The following TNFAIP8L3 variants were observed in gnomAD, a reference collection of about 807,000 sequenced individuals.
The protein encoded by TNFAIP8L3 is TNF alpha induced protein 8 like 3.
TNFAIP8L3 carries 7 observed loss-of-function variants against 11.8 expected under a neutral mutation model. The ratio of observed to expected loss-of-function variants is 0.59; its 90% CI spans 0.34 to 1.11. TNFAIP8L3 has a LOEUF of 1.11. Ranked by LOEUF, TNFAIP8L3 falls within the 50% of genes most tolerant of loss-of-function variation. The pLI, the probability that TNFAIP8L3 is intolerant of heterozygous loss-of-function variation, is 0.03. For missense variants in TNFAIP8L3, 219 were observed against 258.6 expected, an observed-to-expected ratio of 0.85 and a Z score of 1.05; for synonymous variants, 98 against 103.8, an observed-to-expected ratio of 0.94 and a Z score of 0.34.
intron 1 of TNFAIP8L3, among the ~76,000 whole-genome samples, chr15:51,061,353 G>C (rs980280362): frequency 3.9e-5 from 6 of 152,108 alleles, no homozygotes; most frequent in African/African-American, 1.4e-4. Flanking sequence ...TTTAAAACTT[G>C]TCAGCAAGTA....
intron 1 of TNFAIP8L3, among the ~76,000 whole-genome samples, chr15:51,079,595 G>A (rs2140974152): frequency 6.6e-6 from 1 of 152,244 alleles, no homozygotes; most frequent in Middle Eastern, 3.4e-3. Flanking sequence ...TCTCACCTGG[G>A]AATGGTTGCC....
At chr15:51,073,571 C>T (rs1178192160) in intron 1 of TNFAIP8L3, among the ~76,000 whole-genome samples, 1 of 152,206 alleles carries the variant, frequency 6.6e-6, no homozygotes, top group East Asian at 1.9e-4. Flanking sequence ...TTGCCGAGCT[C>T]TGTTATGAGT....
At chr15:51,078,811 G>A (rs2065372785) in intron 1 of TNFAIP8L3, among the ~76,000 whole-genome samples, 2 of 151,864 alleles carry the variant, frequency 1.3e-5, no homozygotes, top group Admixed American at 6.6e-5. Flanking sequence ...CATATCTAAC[G>A]AGGCCTCCGA....
chr15:51,070,604 A>C (rs1378824343), intron 1 of TNFAIP8L3, among the ~76,000 whole-genome samples: 1 of 152,086 alleles, frequency 6.6e-6, no homozygotes, highest in Non-Finnish European at 1.5e-5. Flanking sequence ...GATTGGGCAG[A>C]CTCTGCCCCA....
In TNFAIP8L3 at chr15:51,058,121, C is replaced by T. The variant is rs1403489687; in HGVS notation, c.375G>A (p.Val125=). Residue 125 remains valine (V), a synonymous_variant, in exon 2 of 2, where the codon GTG becomes GTA. Transcript: ENST00000637513. ...GCACGTTCCTATCGAAGGTGTATTCCACCTCATAGAAGCTGACAATGGTCA... is the reference window on the plus strand; with the variant it reads ...GCACGTTCCTATCGAAGGTGTATTCTACCTCATAGAAGCTGACAATGGTCA... ...TAMTIVSFYE[V]EYTFDRNVLS... The T allele has an allele frequency of 6.2e-7, 1 of 1,614,202 alleles. No individual in the cohort carries two copies. Among genetic ancestry groups the T allele is most frequent in the East Asian group, 2.2e-5 (1 of 44,888 alleles).
upstream of TNFAIP8L3, among the ~76,000 whole-genome samples, chr15:51,097,999 A>G (rs532478605): frequency 9.8e-5 from 15 of 152,324 alleles, no homozygotes; most frequent in Non-Finnish European, 2.2e-4. Context: ...TTTCCACTAC[A>G]TCTTTTCAGC....
chr15:51,089,068 T>G (rs924265185), intron 1 of TNFAIP8L3, among the ~76,000 whole-genome samples: 9 of 152,210 alleles, frequency 5.9e-5, no homozygotes, highest in Admixed American at 5.9e-4. Flanking sequence ...GTAGCTCAGC[T>G]TCTCTGCCCA....
rs778710938 is a variant in TNFAIP8L3 at position 51,058,231 on chromosome 15, C to T, written c.265G>A (p.Gly89Arg). The T allele has an allele frequency of 1.7e-5, 27 of 1,614,042 alleles. 1 individual carries two copies. The highest frequency in any genetic ancestry group is 1.1e-4 in the South Asian group (10 of 91,090). ...AACTGGTTGTTCCGGTAGAGGATCC[C>T]GATTTTGATCGCCACCTTGATTAAG... ...KDLIKVAIKI[G>R]ILYRNNQFSQ... is the part of the protein sequence containing the mutation. The change falls in exon 2 of 2, where the codon GGG (glycine) becomes AGG (arginine). Residue 89 changes from glycine to arginine, a missense_variant. Transcript: ENST00000637513.
In TNFAIP8L3 at chr15:51,094,636, T is replaced by A; in HGVS notation, c.-41A>T. ...CTGGGCGTCCACGGCCACCCGCCCG[T>A]CTGCGGGGCGCTCGGGCAGCCGCGG... is the stretch of plus-strand genomic sequence containing the variant. On this transcript the variant is annotated 5_prime_UTR_variant, in exon 1 of 2. Transcript: ENST00000637513. The surrounding 1 kb of genome is among the most constrained non-coding windows in gnomAD (Gnocchi z 4.4). 1 of 1,418,636 alleles carries A rather than the reference T, an allele frequency of 7.0e-7. No individual in the cohort carries two copies. The highest frequency in any genetic ancestry group is 2.7e-5 in the Admixed American group (1 of 36,884). 87.9% of individuals were successfully genotyped at this position (1,418,636 alleles called of 1,614,324 possible). A position where few individuals can be genotyped will look rare whatever the true frequency, so the allele number is the denominator to read the frequency against.
intron 1 of TNFAIP8L3, among the ~76,000 whole-genome samples, chr15:51,085,160 G>C (rs772584012): frequency 6.6e-6 from 1 of 151,650 alleles, no homozygotes; most frequent in Non-Finnish European, 1.5e-5. Flanking sequence ...GACCAAACAT[G>C]GATGAACAAA....
intron 1 of TNFAIP8L3, among the ~76,000 whole-genome samples, chr15:51,070,919 C>G (rs1482457801): frequency 2.0e-5 from 3 of 147,878 alleles, no homozygotes; most frequent in African/African-American, 7.4e-5. Flanking sequence ...GGCGTAGTGG[C>G]GGGCGCCTGT....
At chr15:51,062,686 A>C (rs2140963873) in intron 1 of TNFAIP8L3, among the ~76,000 whole-genome samples, 1 of 152,358 alleles carries the variant, frequency 6.6e-6, no homozygotes, top group South Asian at 2.1e-4. Flanking sequence ...GATTACATAA[A>C]TTTAAAAAAC....
chr15:51,066,352 G>A (rs1420941679), intron 1 of TNFAIP8L3, among the ~76,000 whole-genome samples: 3 of 151,922 alleles, frequency 2.0e-5, no homozygotes, highest in African/African-American at 4.8e-5. Flanking sequence ...TAGTAGAGAC[G>A]GGGTTTCAAC....
chr15:51,057,923 A>G lies in TNFAIP8L3; in HGVS notation c.573T>C (p.Ile191=), dbSNP rs778267135. 7.5e-6 allele frequency: 12 copies of G among 1,598,122 alleles called. No individual in the cohort carries two copies. The highest frequency in any genetic ancestry group is 1.0e-5 in the Non-Finnish European group (12 of 1,173,868). ...DGDCRPNLKR[I]CEGINKLLDE... is the part of the protein sequence containing the mutation. Reference sequence around the variant, plus strand: ...CTAGCAACTTATTGATTCCTTCACAAATCCTCTTGAGGTTGGGCCTACAGT... The same window carrying G: ...CTAGCAACTTATTGATTCCTTCACAGATCCTCTTGAGGTTGGGCCTACAGT... Residue 191 remains isoleucine (I), a synonymous_variant, in exon 2 of 2, where the codon ATT becomes ATC. Transcript: ENST00000637513.
At chr15:51,097,857 G>GGT (rs1555469087), upstream of TNFAIP8L3, among the ~76,000 whole-genome samples, 1 of 151,794 alleles carries the variant, frequency 6.6e-6, no homozygotes, top group African/African-American at 2.4e-5. Context: ...TTTCTTGTGG[G>GGT]GGGGGAAAAA....
chr15:51,072,266 G>A (rs934497480), intron 1 of TNFAIP8L3, among the ~76,000 whole-genome samples: 8 of 151,950 alleles, frequency 5.3e-5, no homozygotes, highest in East Asian at 1.9e-4. Context: ...GCAGCCTCCC[G>A]AGTAACTGGG....
chr15:51,104,892 G>T (rs988946957), intron 1 of TNFAIP8L3: 2 of 1,278,816 alleles, frequency 1.6e-6, no homozygotes, highest in Non-Finnish European at 2.2e-6. Flanking sequence ...TGCCTGTGCT[G>T]GCCCTCTTCA....
intron 1 of TNFAIP8L3, among the ~76,000 whole-genome samples, chr15:51,067,418 G>T (rs921021367): frequency 3.7e-4 from 57 of 152,286 alleles, no homozygotes; most frequent in African/African-American, 1.3e-3. Context: ...ACTCATGGGG[G>T]ACACCATGAC....
At chr15:51,093,053 C>T (rs1023056348) in intron 1 of TNFAIP8L3, among the ~76,000 whole-genome samples, 6 of 152,312 alleles carry the variant, frequency 3.9e-5, no homozygotes, top group African/African-American at 1.4e-4. Flanking sequence ...AAAACATCTA[C>T]TGGAACTTTT....
Sources: allele counts gnomAD v4.1 joint callset (sites outside exome capture counted in the v4.1 genomes callset), GRCh38; gene constraint gnomAD v4.1.1; non-coding constraint Gnocchi (gnomAD v3.1); transcripts MANE v1.5; gene names NCBI Gene and HGNC (gene_info 2026-07-23, HGNC 2026-07-21).